Variants in EVI5 observed in about 807,000 individuals in gnomAD.
The protein encoded by EVI5 is ecotropic viral integration site 5 protein homolog.
A neutral mutation model predicts 112.0 loss-of-function variants in EVI5; 73 were observed. That is an observed-to-expected ratio of 0.65 (90% confidence interval 0.54 to 0.79). EVI5 has a LOEUF of 0.79. EVI5 is among the 30% of genes least tolerant of loss of function. The pLI, the probability that EVI5 is intolerant of heterozygous loss-of-function variation, is 0.00. For synonymous variants in EVI5, 305 were observed against 319.9 expected (o/e 0.95, Z 0.50); for missense variants, 900 against 968.8 (o/e 0.93, Z 0.94).
chr1:92,714,326 C>T (rs1383494624), intron 2 of EVI5, among the ~76,000 whole-genome samples: 1 of 152,114 alleles, frequency 6.6e-6, no homozygotes, highest in Non-Finnish European at 1.5e-5. Context: ...AGAGAGTGAA[C>T]ACAACCAGAG....
intron 18 of EVI5, among the ~76,000 whole-genome samples, chr1:92,575,943 A>T (rs1237412452): frequency 6.6e-6 from 1 of 152,150 alleles, no homozygotes; most frequent in Non-Finnish European, 1.5e-5. Flanking sequence ...ATATTATCTA[A>T]GCTGAAACAG....
At chr1:92,787,089 A>C (rs1685697996), upstream of EVI5, among the ~76,000 whole-genome samples, 1 of 152,138 alleles carries the variant, frequency 6.6e-6, no homozygotes, top group African/African-American at 2.4e-5. Context: ...TGAATTTTTT[A>C]CTATTAGCTC....
intron 19 of EVI5, among the ~76,000 whole-genome samples, chr1:92,541,930 A>T (rs1253923418): frequency 6.6e-6 from 1 of 152,198 alleles, no homozygotes; most frequent in African/African-American, 2.4e-5. Flanking sequence ...CAAGTAATGG[A>T]TCTTTTTGCT....
At chr1:92,654,394 G>A (rs1015912722) in intron 13 of EVI5, among the ~76,000 whole-genome samples, 2 of 152,038 alleles carry the variant, frequency 1.3e-5, no homozygotes, top group African/African-American at 4.8e-5. Flanking sequence ...CACACAGCCA[G>A]TACACTACTA....
At chr1:92,567,371 G>C (rs940952375) in intron 18 of EVI5, among the ~76,000 whole-genome samples, 2 of 152,182 alleles carry the variant, frequency 1.3e-5, no homozygotes, top group Non-Finnish European at 2.9e-5. Flanking sequence ...GTCTACAGTA[G>C]TGTGCAGTAA....
In EVI5 at chr1:92,625,943, G is replaced by T; in HGVS notation, c.1528-9C>A. On this transcript the variant is annotated splice_polypyrimidine_tract_variant and intron_variant, in intron 14 of 19. Transcript: ENST00000684568. ...GGAAGGGAGTTATTCCTCTAAAGAAGAAGAAAATTTAATTTGGGATTTTTA... is the reference window on the plus strand; with the variant it reads ...GGAAGGGAGTTATTCCTCTAAAGAATAAGAAAATTTAATTTGGGATTTTTA... 6 of 1,572,292 alleles carry T rather than the reference G, an allele frequency of 3.8e-6. No individual in the cohort carries two copies. The highest frequency in any genetic ancestry group is 1.4e-5 in the African/African-American group (1 of 73,634).
In EVI5 at chr1:92,728,531, G is replaced by A. The variant is rs542912192; in HGVS notation, c.149+7867C>T. On this transcript the variant is annotated intron_variant, in intron 2 of 19. Coordinates refer to ENST00000684568, the MANE Select transcript of EVI5 (RefSeq NM_001350197.2). Reference sequence around the variant, plus strand: ...CCCTCTGGAGTAGCTGGGATTACAGGCACCCGCCACCATGCCCAGCTAATT... The same window carrying A: ...CCCTCTGGAGTAGCTGGGATTACAGACACCCGCCACCATGCCCAGCTAATT... Among the ~76,000 whole-genome samples the A allele has an allele frequency of 7.4e-4, 112 of 152,064 alleles. 1 individual carries two copies. Among genetic ancestry groups the A allele is most frequent in the Non-Finnish European group, 1.0e-3 (69 of 67,998 alleles).
At chr1:92,636,148 A>G (rs1278042676) in intron 14 of EVI5, 54 bp downstream of exon 14, 1 of 1,464,596 alleles carries the variant, frequency 6.8e-7, no homozygotes, top group Non-Finnish European at 9.4e-7. Context: ...TACTTAATAA[A>G]TATCACATAT....
intron 19 of EVI5, among the ~76,000 whole-genome samples, chr1:92,544,980 C>G (rs758370804): frequency 1.8e-4 from 28 of 152,148 alleles, no homozygotes; most frequent in Non-Finnish European, 3.2e-4. Flanking sequence ...TCTAGCTGTC[C>G]AGCTTGTGGG....
At chr1:92,687,890 T>A (rs1219266796) in intron 9 of EVI5, among the ~76,000 whole-genome samples, 1 of 152,248 alleles carries the variant, frequency 6.6e-6, no homozygotes, top group Non-Finnish European at 1.5e-5. Context: ...AAACAACAGA[T>A]GCTGGAGAGG....
At chr1:92,516,872 C>A (rs1175991144) in intron 19 of EVI5, among the ~76,000 whole-genome samples, 4 of 111,736 alleles carry the variant, frequency 3.6e-5, no homozygotes, top group Non-Finnish European at 5.3e-5. Flanking sequence ...CTTTCCAACT[C>A]TCCCTTTCCT....
chr1:92,706,104 C>T (rs1334527968), intron 2 of EVI5, among the ~76,000 whole-genome samples: 1 of 151,530 alleles, frequency 6.6e-6, no homozygotes, highest in African/African-American at 2.4e-5. Flanking sequence ...TTCATGGCAA[C>T]AATAATTAAA....
At chr1:92,535,108 C>A (rs994146303) in intron 19 of EVI5, among the ~76,000 whole-genome samples, 1 of 151,630 alleles carries the variant, frequency 6.6e-6, no homozygotes, top group African/African-American at 2.4e-5. Context: ...AAAAAGTGGA[C>A]GAAGGATATG....
In EVI5 at chr1:92,513,986, C is replaced by CTT; in HGVS notation, c.2167-17_2167-16insAA. On this transcript the variant is annotated splice_polypyrimidine_tract_variant and intron_variant, in intron 19 of 19. Coordinates refer to ENST00000684568, the MANE Select transcript of EVI5 (RefSeq NM_001350197.2). ...GGCACCTGAGCTGTTAAAACAAAAT[C>CTT]CAAGTTAATACAGTCAAATGGGGGA... 6.7e-7 allele frequency: 1 copy of CTT among 1,501,152 alleles called. No homozygotes were observed. Among genetic ancestry groups the CTT allele is most frequent in the Non-Finnish European group, 9.0e-7 (1 of 1,112,304 alleles). 93.0% of individuals were successfully genotyped at this position (1,501,152 alleles called of 1,614,324 possible).
At chr1:92,662,603 C>A in intron 13 of EVI5, 116 bp downstream of exon 13, 1 of 667,804 alleles carries the variant, frequency 1.5e-6, no homozygotes, top group Non-Finnish European at 2.0e-6. Context: ...TTTAAAAGTT[C>A]AAAGTCTAAA....
chr1:92,591,431 T>A (rs1268493929), intron 18 of EVI5, among the ~76,000 whole-genome samples: 9 of 151,498 alleles, frequency 5.9e-5, no homozygotes, highest in African/African-American at 2.2e-4. Flanking sequence ...ACCAAGCAAA[T>A]GGAAAACAAA....
intron 2 of EVI5, among the ~76,000 whole-genome samples, chr1:92,735,707 CAAT>C (rs1425444091): frequency 7.3e-5 from 10 of 136,174 alleles, no homozygotes; most frequent in South Asian, 2.2e-4. Flanking sequence ...TTGAAATATA[CAAT>C]ATTATATTAT....
chr1:92,710,212 T>A (rs1301523128), intron 2 of EVI5, among the ~76,000 whole-genome samples: 1 of 151,812 alleles, frequency 6.6e-6, no homozygotes, highest in South Asian at 2.1e-4. Context: ...GGTGTGGTAG[T>A]GCACACCTAT....
intron 19 of EVI5, among the ~76,000 whole-genome samples, chr1:92,530,758 C>G (rs1241239336): frequency 6.6e-6 from 1 of 151,856 alleles, no homozygotes; most frequent in Non-Finnish European, 1.5e-5. Context: ...AAAAGGACAT[C>G]CACTCAGAGA....
Sources: allele counts gnomAD v4.1 joint callset (sites outside exome capture counted in the v4.1 genomes callset), GRCh38; gene constraint gnomAD v4.1.1; transcripts MANE v1.5; gene names NCBI Gene and HGNC (gene_info 2026-07-23, HGNC 2026-07-21).